Variants in HMGN5 observed in about 807,000 individuals in gnomAD.
The protein encoded by HMGN5 is high mobility group nucleosome binding domain 5.
A neutral mutation model predicts 9.5 loss-of-function variants in HMGN5; 4 were observed. That is an observed-to-expected ratio of 0.42 (90% confidence interval 0.21 to 0.96). The LOEUF (loss-of-function observed/expected upper bound fraction) is 0.96, where lower values mean the gene tolerates loss of function less well. Among genes scored for constraint, HMGN5 ranks in the 40% least tolerant of loss-of-function variants. The pLI is 0.30. For missense variants in HMGN5, 192 were observed against 187.5 expected (o/e 1.02, Z -0.14); for synonymous variants, 55 against 57.1 (o/e 0.96, Z 0.16).
intron 1 of HMGN5, among the ~76,000 whole-genome samples, chrX:81,131,225 G>A (rs763423638): frequency 8.9e-6 from 1 of 111,749 alleles, no homozygotes; most frequent in East Asian, 2.8e-4. Flanking sequence ...TCCACACATT[G>A]AGAAGCATTG....
intron 1 of HMGN5, among the ~76,000 whole-genome samples, chrX:81,178,354 G>T (rs1012694218): frequency 5.4e-5 from 6 of 111,208 alleles, no homozygotes; most frequent in African/African-American, 2.0e-4. Context: ...TCAAATAGAT[G>T]CAATAAAAAA....
intron 1 of HMGN5, among the ~76,000 whole-genome samples, chrX:81,151,586 A>C (rs1343659417): frequency 1.8e-5 from 2 of 110,950 alleles, no homozygotes; most frequent in Non-Finnish European, 3.8e-5. Context: ...ATGAGCATGG[A>C]ATGTTCTTCC....
intron 1 of HMGN5, among the ~76,000 whole-genome samples, chrX:81,124,286 G>A (rs1395240300): frequency 2.7e-5 from 3 of 112,236 alleles, no homozygotes; most frequent in Non-Finnish European, 5.6e-5. Context: ...TAACCAGAGC[G>A]GTCCTTTACA....
At chrX:81,188,707 A>G (rs1334864026) in intron 1 of HMGN5, among the ~76,000 whole-genome samples, 1 of 108,055 alleles carries the variant, frequency 9.3e-6, no homozygotes, top group East Asian at 2.9e-4. Context: ...ATTCCCGCCT[A>G]TGAGTGAGAA....
Position 81,119,913 on chromosome X carries a change from G to GCTTATTACT in HMGN5, c.16-105_16-97dup, listed in dbSNP as rs1054673540. ...GCGGATTACAAATTTCAATATAATTGCTTATTACTTTCTCCTGGGTTCCTG... is the reference window on the plus strand; with the variant it reads ...GCGGATTACAAATTTCAATATAATTGCTTATTACTCTTATTACTTTCTCCTGGGTTCCTG... On this transcript the variant is annotated intron_variant, in intron 2 of 6. Transcript: ENST00000358130. 3 of 768,626 alleles carry GCTTATTACT rather than the reference G, an allele frequency of 3.9e-6. No homozygotes were observed. In the Admixed American group the frequency reaches 7.6e-5, roughly 20 times the overall value. The allele number at this position is 768,626 out of a possible 1,213,427, so 63.3% of individuals were successfully genotyped here. A position where few individuals can be genotyped will look rare whatever the true frequency, so the allele number is the denominator to read the frequency against.
At chrX:81,186,002 T>C (rs969452330) in intron 1 of HMGN5, among the ~76,000 whole-genome samples, 6 of 112,084 alleles carry the variant, frequency 5.4e-5, no homozygotes, top group East Asian at 2.8e-4. Context: ...TAATGTGTGA[T>C]TGAATTCAGT....
intron 1 of HMGN5, among the ~76,000 whole-genome samples, chrX:81,149,249 G>C (rs6622414): frequency 0.21 from 23,386 of 110,973 alleles, 2,091 homozygotes; most frequent in East Asian, 0.74. Context: ...CAATGGTAGA[G>C]TGGATTAAAA....
At chrX:81,153,583 CTATATATATATATATATATATATATA>C (rs34937225) in intron 1 of HMGN5, among the ~76,000 whole-genome samples, 844 of 6,161 alleles carry the variant, frequency 0.14, 125 homozygotes, top group Admixed American at 0.38. Flanking sequence ...CTCTCTCTCT[CTATATATATATATATATATATATATA>C]TATATATATA....
intron 1 of HMGN5, among the ~76,000 whole-genome samples, chrX:81,143,254 A>G (rs2075334401): frequency 8.9e-6 from 1 of 111,830 alleles, no homozygotes; most frequent in Admixed American, 9.5e-5. Context: ...AAAACAAATA[A>G]CAAAATGGCA....
intron 1 of HMGN5, among the ~76,000 whole-genome samples, chrX:81,179,744 A>T (rs1196063929): frequency 8.9e-6 from 1 of 111,909 alleles, no homozygotes; most frequent in Non-Finnish European, 1.9e-5. Flanking sequence ...CGCATTGCCC[A>T]GACAATCCTA....
intron 1 of HMGN5, among the ~76,000 whole-genome samples, chrX:81,174,783 A>C (rs2075436631): frequency 8.9e-6 from 1 of 111,907 alleles, no homozygotes; most frequent in Non-Finnish European, 1.9e-5. Context: ...TAAGTATTTT[A>C]AAGTCTTGTA....
intron 1 of HMGN5, among the ~76,000 whole-genome samples, chrX:81,173,914 T>C (rs963449872): frequency 9.0e-6 from 1 of 111,632 alleles, no homozygotes; most frequent in African/African-American, 3.2e-5. Context: ...ATCGTTATCT[T>C]ATGTTAGAAT....
intron 1 of HMGN5, among the ~76,000 whole-genome samples, chrX:81,156,863 C>A (rs1416829731): frequency 9.0e-6 from 1 of 110,524 alleles, no homozygotes; most frequent in Non-Finnish European, 1.9e-5. Context: ...AAGCAGGCAC[C>A]CCTGAATAAC....
chrX:81,119,242 G>T (rs1410553937), intron 3 of HMGN5, among the ~76,000 whole-genome samples: 2 of 111,277 alleles, frequency 1.8e-5, no homozygotes, highest in Non-Finnish European at 3.8e-5. Context: ...CAAAATATTA[G>T]ATTAACAAGG....
Position 81,114,948 on chromosome X carries a change from CT to C in HMGN5, c.549del (p.Gly184GlufsTer43). On this transcript the variant is annotated frameshift_variant, in exon 7 of 7. Coordinates refer to ENST00000358130, the MANE Select transcript of HMGN5 (RefSeq NM_030763.3). LOFTEE classifies it low-confidence loss of function (END_TRUNC). The stretch of plus-strand genomic sequence containing the variant: ...TTCTCTTTTCCATCTTCTCCATTTC[CT>C]TTTCCGTCTTCACCTTTTTTTCCAT... ...KEDGKKGEDG[K>X]GNGEDGKEKG... The C allele has an allele frequency of 8.6e-7, 1 of 1,156,325 alleles. No individual in the cohort carries two copies. Among genetic ancestry groups the C allele is most frequent in the Non-Finnish European group, 1.1e-6 (1 of 869,614 alleles).
chrX:81,129,256 T>A (rs1317087635), intron 1 of HMGN5, among the ~76,000 whole-genome samples: 1 of 111,643 alleles, frequency 9.0e-6, no homozygotes, highest in Admixed American at 9.5e-5. Flanking sequence ...CAGCACCAAT[T>A]TATACTCTGA....
At chrX:81,164,861 A>G (rs774092492) in intron 1 of HMGN5, among the ~76,000 whole-genome samples, 2 of 111,369 alleles carry the variant, frequency 1.8e-5, no homozygotes, top group South Asian at 3.8e-4. Flanking sequence ...TGAGCTGTGG[A>G]AGGGTGCCCC....
At chrX:81,172,176 A>G (rs773363351) in intron 1 of HMGN5, among the ~76,000 whole-genome samples, 7 of 111,279 alleles carry the variant, frequency 6.3e-5, no homozygotes, top group Non-Finnish European at 1.1e-4. Flanking sequence ...AAATTTATGT[A>G]CACAATAGAG....
chrX:81,174,144 T>A (rs1455034306), intron 1 of HMGN5, among the ~76,000 whole-genome samples: 1 of 111,485 alleles, frequency 9.0e-6, no homozygotes, highest in Admixed American at 9.6e-5. Context: ...AAAAAAATGT[T>A]TATTACACTT....
Sources: allele counts gnomAD v4.1 joint callset (sites outside exome capture counted in the v4.1 genomes callset), GRCh38; gene constraint gnomAD v4.1.1; transcripts MANE v1.5; gene names NCBI Gene and HGNC (gene_info 2026-07-23, HGNC 2026-07-21).